The following EXTL2 variants were observed in gnomAD, a reference collection of about 807,000 sequenced individuals.
EXTL2 encodes exostosin like glycosyltransferase 2, also known as exostosin-like 2.
Under a neutral mutation model 30.7 loss-of-function variants are expected in EXTL2, and 23 were observed. The observed-to-expected ratio is 0.75, with a 90% CI of 0.54 to 1.06. The LOEUF (loss-of-function observed/expected upper bound fraction) is 1.06, where lower values mean the gene tolerates loss of function less well. Ranked by LOEUF, EXTL2 falls within the 50% of genes least tolerant of loss-of-function variation. EXTL2 has a pLI of 0.00. For missense variants in EXTL2, 352 were observed against 396.3 expected, an observed-to-expected ratio of 0.89 and a Z score of 0.95; for synonymous variants, 123 against 133.8, an observed-to-expected ratio of 0.92 and a Z score of 0.56.
intron 1 of EXTL2, among the ~76,000 whole-genome samples, chr1:100,892,695 C>T (rs1478130683): frequency 6.6e-6 from 1 of 152,226 alleles, no homozygotes; most frequent in Admixed American, 6.5e-5. Context: ...ACGATCCCAA[C>T]TATCTAATGT....
At chr1:100,892,080 G>C (rs1650474498) in intron 1 of EXTL2, among the ~76,000 whole-genome samples, 1 of 152,214 alleles carries the variant, frequency 6.6e-6, no homozygotes, top group Admixed American at 6.5e-5. Context: ...GGATGGACTT[G>C]TGAAGGTTAA....
intron 2 of EXTL2, among the ~76,000 whole-genome samples, chr1:100,887,595 G>A (rs1228894344): frequency 6.6e-6 from 1 of 152,218 alleles, no homozygotes; most frequent in Non-Finnish European, 1.5e-5. Flanking sequence ...TTGCAGAGAA[G>A]ACATTTGAGA....
In EXTL2 at chr1:100,888,823, T is replaced by C; in HGVS notation, c.-66A>G. On this transcript the variant is annotated 5_prime_UTR_variant, in exon 2 of 5. Coordinates refer to ENST00000370114, the MANE Select transcript of EXTL2 (RefSeq NM_001033025.3). Reference sequence around the variant, plus strand: ...CAGTAATTGACAGAAGCAGGCTCACTTGTCACTATTAAGATAAATCAAAGA... The same window carrying C: ...CAGTAATTGACAGAAGCAGGCTCACCTGTCACTATTAAGATAAATCAAAGA... The C allele has an allele frequency of 7.7e-7, 1 of 1,293,606 alleles. No homozygotes were observed. The highest frequency in any genetic ancestry group is 1.5e-5 in the African/African-American group (1 of 67,604). The allele number at this position is 1,293,606 out of a possible 1,614,324, so 80.1% of individuals were successfully genotyped here.
At chr1:100,880,886 TA>T (rs1467741781) in intron 2 of EXTL2, 19 of 866,464 alleles carry the variant, frequency 2.2e-5, no homozygotes, top group Non-Finnish European at 2.6e-5. Context: ...AGTTTTAATC[TA>T]GAAAAAGTAA....
In EXTL2 at chr1:100,894,110, T is replaced by C. The variant is rs1039727690; in HGVS notation, c.-72+523A>G. ...GCAGCTGACCTTGATGAGTTAGGAT[T>C]ATGCTGGAAATCAGTTGCTGAAATT... On this transcript the variant is annotated intron_variant, in intron 1 of 4. Transcript: ENST00000370114. Among the ~76,000 whole-genome samples the C allele has an allele frequency of 5.9e-5, 9 of 152,320 alleles. No homozygotes were observed. In the East Asian group the frequency reaches 1.7e-3, roughly 29 times the overall value.
chr1:100,893,822 T>A (rs1022565333), intron 1 of EXTL2, among the ~76,000 whole-genome samples: 21 of 152,184 alleles, frequency 1.4e-4, no homozygotes, highest in Non-Finnish European at 2.5e-4. Flanking sequence ...TGTGAAGACA[T>A]CACCATCACT....
intron 2 of EXTL2, among the ~76,000 whole-genome samples, chr1:100,881,752 C>T (rs1649574681): frequency 1.3e-5 from 2 of 152,188 alleles, no homozygotes; most frequent in African/African-American, 4.8e-5. Context: ...ATATTTTCTG[C>T]ACATTAATTC....
chr1:100,874,454 T>TA, intron 4 of EXTL2, 24 bp from the exon 5 acceptor site: 1 of 1,536,758 alleles, frequency 6.5e-7, no homozygotes, highest in Non-Finnish European at 8.8e-7. Context: ...AAAAGAACAA[T>TA]AAAATGTCAC....
intron 2 of EXTL2, among the ~76,000 whole-genome samples, chr1:100,887,309 AT>A (rs1333784394): frequency 2.6e-5 from 4 of 152,262 alleles, no homozygotes; most frequent in Non-Finnish European, 5.9e-5. Context: ...TAAGTATTGA[AT>A]CTAAGATGGA....
rs1648859283 is a variant in EXTL2, at chr1:100,873,665, T to G, written c.*277A>C. Reference sequence around the variant, plus strand: ...GGCAAATGCCAGGAGTCAAAGAAACTGTAGAACAGTCTCAGGATGTAAACA... The same window carrying G: ...GGCAAATGCCAGGAGTCAAAGAAACGGTAGAACAGTCTCAGGATGTAAACA... On this transcript the variant is annotated 3_prime_UTR_variant, in exon 5 of 5. Coordinates refer to ENST00000370114, the MANE Select transcript of EXTL2 (RefSeq NM_001033025.3). 3.9e-6 allele frequency: 1 copy of G among 256,600 alleles called. No homozygotes were observed. Among genetic ancestry groups the G allele is most frequent in the South Asian group, 1.1e-4 (1 of 9,042 alleles). 15.9% of individuals were successfully genotyped at this position (256,600 alleles called of 1,614,324 possible). A position where few individuals can be genotyped will look rare whatever the true frequency, so the allele number is the denominator to read the frequency against.
chr1:100,877,912 G>A lies in EXTL2; in HGVS notation c.6-9C>T. 6.3e-7 allele frequency: 1 copy of A among 1,584,586 alleles called. No individual in the cohort carries two copies. The highest frequency in any genetic ancestry group is 1.7e-5 in the Admixed American group (1 of 58,616). ...TGCAGATGTGGCAACACCTGGAGTA[G>A]AAATGGAAACAACATACAAATGTTA... is the stretch of plus-strand genomic sequence containing the variant. On this transcript the variant is annotated splice_polypyrimidine_tract_variant and intron_variant, in intron 2 of 4. Transcript: ENST00000370114. The surrounding 1 kb of genome is among the most constrained non-coding windows in gnomAD (Gnocchi z 4.1).
chr1:100,875,023 T>C (rs1436113955), intron 4 of EXTL2, among the ~76,000 whole-genome samples: 1 of 152,004 alleles, frequency 6.6e-6, no homozygotes, highest in Non-Finnish European at 1.5e-5. Context: ...TAAATGTTTA[T>C]ATTATGTATA....
At chr1:100,885,723 T>G (rs1649909442) in intron 2 of EXTL2, 1 of 152,252 alleles carries the variant, frequency 6.6e-6, no homozygotes, top group Non-Finnish European at 1.5e-5. Flanking sequence ...GAAGAGTTTT[T>G]GATGTAAGGT....
At chr1:100,891,031 C>T (rs1478025677) in intron 1 of EXTL2, among the ~76,000 whole-genome samples, 1 of 152,216 alleles carries the variant, frequency 6.6e-6, no homozygotes, top group South Asian at 2.1e-4. Context: ...CAGCTATGAC[C>T]ACATAAGCAG....
intron 2 of EXTL2, among the ~76,000 whole-genome samples, chr1:100,887,250 G>GT (rs1482166988): frequency 1.3e-5 from 2 of 152,116 alleles, no homozygotes; most frequent in African/African-American, 4.8e-5. Flanking sequence ...AATCACTTCT[G>GT]TAAGAGAAAT....
At chr1:100,876,356 T>C (rs1649117818) in intron 4 of EXTL2, among the ~76,000 whole-genome samples, 1 of 152,026 alleles carries the variant, frequency 6.6e-6, no homozygotes, top group Admixed American at 6.6e-5. Flanking sequence ...TACTGCAAAA[T>C]TTCTAAACAA....
At chr1:100,880,925 A>G in intron 2 of EXTL2, 2 of 955,628 alleles carry the variant, frequency 2.1e-6, no homozygotes, top group South Asian at 9.7e-5. Flanking sequence ...GCTTACTATA[A>G]ATATACACCG....
rs1169015814 is a variant in EXTL2, at chr1:100,874,006, C to G, written c.929G>C (p.Arg310Thr). ...CTGGGAAATCATAATGTTGGAGTAT[C>G]TTAAGGGCATGCTATCATAGATATT... ...LVNIYDSMPLRYSNIMISQFG... is the reference protein window; with the variant it reads ...LVNIYDSMPLTYSNIMISQFG... The change falls in exon 5 of 5, where the codon AGA (arginine) becomes ACA (threonine). Residue 310 changes from arginine (R) to threonine (T), a missense_variant. Transcript: ENST00000370114. 2 of 1,611,864 alleles carry G rather than the reference C, an allele frequency of 1.2e-6. No homozygotes were observed.
rs577866933 is a variant in EXTL2, at chr1:100,881,078, T to C, written c.6-3175A>G. Reference sequence around the variant, plus strand: ...TGTATCAGAAAGGTTTCAGGAGATATGAATAATTTATGTCTTTAGAAACAT... The same window carrying C: ...TGTATCAGAAAGGTTTCAGGAGATACGAATAATTTATGTCTTTAGAAACAT... On this transcript the variant is annotated intron_variant, in intron 2 of 4. Coordinates refer to ENST00000370114, the MANE Select transcript of EXTL2 (RefSeq NM_001033025.3). 27 of 968,640 alleles carry C rather than the reference T, an allele frequency of 2.8e-5. No homozygotes were observed. In the South Asian group the frequency reaches 4.8e-4, roughly 17 times the overall value. The allele number at this position is 968,640 out of a possible 1,614,324, so 60.0% of individuals were successfully genotyped here. A position where few individuals can be genotyped will look rare whatever the true frequency, so the allele number is the denominator to read the frequency against.
Sources: gnomAD v4.1 joint callset for allele counts (sites outside exome capture counted in the v4.1 genomes callset) on GRCh38, gnomAD v4.1.1 for gene constraint, Gnocchi (gnomAD v3.1) non-coding constraint, MANE v1.5 for transcripts, NCBI Gene and HGNC (gene_info 2026-07-23, HGNC 2026-07-21) for gene names.